The following TBC1D23 variants were observed in gnomAD, a reference collection of about 807,000 sequenced individuals.
TBC1D23 encodes TBC1 domain family member 23, also known as HCV non-structural protein 4A-transactivated protein 1.
In TBC1D23, 55 loss-of-function variants were observed where a neutral mutation model predicts 91.4. The ratio of observed to expected loss-of-function variants is 0.60; its 90% CI spans 0.48 to 0.75. The LOEUF is 0.75. TBC1D23 is among the 30% of genes least tolerant of loss of function. TBC1D23 has a pLI of 0.00. For missense variants in TBC1D23, 725 were observed against 836.1 expected, an observed-to-expected ratio of 0.87 and a Z score of 1.64; for synonymous variants, 289 against 281.0, an observed-to-expected ratio of 1.03 and a Z score of -0.28.
intron 13 of TBC1D23, among the ~76,000 whole-genome samples, chr3:100,308,666 A>G (rs1705562924): frequency 6.6e-6 from 1 of 152,202 alleles, no homozygotes; most frequent in Non-Finnish European, 1.5e-5. Context: ...TGATCATAGC[A>G]TACCTAGAAT....
chr3:100,312,669 T>TA (rs1427550095), intron 15 of TBC1D23, among the ~76,000 whole-genome samples: 2 of 152,070 alleles, frequency 1.3e-5, no homozygotes, highest in Non-Finnish European at 2.9e-5. Context: ...GAATATCAAT[T>TA]ACAGCAACAC....
At chr3:100,290,900 T>A (rs2067784238) in intron 5 of TBC1D23, among the ~76,000 whole-genome samples, 199 bp downstream of exon 5, 1 of 152,214 alleles carries the variant, frequency 6.6e-6, no homozygotes, top group Non-Finnish European at 1.5e-5. Flanking sequence ...TTATTTGATA[T>A]GAAGTTCACT....
intron 1 of TBC1D23, among the ~76,000 whole-genome samples, chr3:100,271,553 G>A (rs2067599692): frequency 6.6e-6 from 1 of 152,188 alleles, no homozygotes; most frequent in Non-Finnish European, 1.5e-5. Context: ...TAAGTCTCCT[G>A]TGGATACAGG....
At chr3:100,312,856 C>CT (rs970658975) in intron 15 of TBC1D23, among the ~76,000 whole-genome samples, 13 of 152,012 alleles carry the variant, frequency 8.6e-5, no homozygotes, top group African/African-American at 3.1e-4. Flanking sequence ...ACTTCACTCT[C>CT]TAAGACTATA....
Position 100,302,136 on chromosome 3 carries a change from G to A in TBC1D23, c.1162G>A (p.Glu388Lys). The change falls in exon 11 of 19, where the codon GAG becomes AAG. Residue 388 changes from glutamate to lysine, a missense_variant. Physicochemically the swap from Glu to Lys is moderately conservative, Grantham distance 56. Transcript: ENST00000394144. ...SLLEAQKQSI[E>K]SGSIAGGEHL... ...GCTGGAAGCACAGAAGCAGTCCATT[G>A]AGTCTGGCTCCATAGCTGGTGGGGA... The A allele has an allele frequency of 6.2e-7, 1 of 1,614,080 alleles. No individual in the cohort carries two copies. Among genetic ancestry groups the A allele is most frequent in the South Asian group, 1.1e-5 (1 of 91,080 alleles).
chr3:100,293,108 T>A (rs2148860259), intron 5 of TBC1D23, among the ~76,000 whole-genome samples: 1 of 148,512 alleles, frequency 6.7e-6, no homozygotes, highest in Non-Finnish European at 1.5e-5. Flanking sequence ...CCAGATAGTT[T>A]GTTTGTTTGT....
chr3:100,319,579 C>T (rs374739936), intron 17 of TBC1D23, among the ~76,000 whole-genome samples: 77 of 152,216 alleles, frequency 5.1e-4, no homozygotes, highest in African/African-American at 1.8e-3. Context: ...CAGGCATGCG[C>T]CACCACCCCC....
rs1229374855 is a variant in TBC1D23 at position 100,297,977 on chromosome 3, G to C, written c.931G>C (p.Asp311His). 3 of 1,612,880 alleles carry C rather than the reference G, an allele frequency of 1.9e-6. No individual in the cohort carries two copies. The highest frequency in any genetic ancestry group is 4.5e-5 in the East Asian group (2 of 44,848). ...TLLGIKDDDADLSQALCLAIS... is the reference protein window; with the variant it reads ...TLLGIKDDDAHLSQALCLAIS... Reference sequence around the variant, plus strand: ...GTTGGGAATTAAGGATGATGATGCAGATCTGAGTCAGGCTCTTTGTCTGGC... The same window carrying C: ...GTTGGGAATTAAGGATGATGATGCACATCTGAGTCAGGCTCTTTGTCTGGC... The change falls in exon 9 of 19, where the codon GAT becomes CAT. Residue 311 changes from aspartate (D) to histidine (H), a missense_variant. By Grantham distance (81) the Asp-to-His change is moderately conservative. Coordinates refer to ENST00000394144, the MANE Select transcript of TBC1D23 (RefSeq NM_001199198.3).
At chr3:100,315,179 T>TG in intron 15 of TBC1D23, among the ~76,000 whole-genome samples, 1 of 89,554 alleles carries the variant, frequency 1.1e-5, no homozygotes, top group Non-Finnish European at 2.2e-5. Context: ...TTTTTTTTTT[T>TG]GAAATGGAGT....
chr3:100,271,840 G>A (rs2067602217), intron 1 of TBC1D23, among the ~76,000 whole-genome samples: 1 of 152,188 alleles, frequency 6.6e-6, no homozygotes, highest in African/African-American at 2.4e-5. Flanking sequence ...AGACTGGTTA[G>A]ATTAACCTAA....
Position 100,283,811 on chromosome 3 carries a change from G to T in TBC1D23, c.476G>T (p.Arg159Met). The change falls in exon 4 of 19, where the codon AGG becomes ATG. Residue 159 changes from arginine (R) to methionine (M), a missense_variant and splice_region_variant. Physicochemically the swap from Arg to Met is moderately conservative, Grantham distance 91. Coordinates refer to ENST00000394144, the MANE Select transcript of TBC1D23 (RefSeq NM_001199198.3). The stretch of plus-strand genomic sequence containing the variant: ...GCCATAATGAATAAGTACATTCCCA[G>T]GTAAAATATGATTCAGTTATTGTAG... ...FYAIMNKYIP[R>M]DCSQKGRPFH... 1 of 1,590,578 alleles carries T rather than the reference G, an allele frequency of 6.3e-7. No homozygotes were observed. The highest frequency in any genetic ancestry group is 8.6e-7 in the Non-Finnish European group (1 of 1,159,674).
intron 4 of TBC1D23, chr3:100,284,102 A>T: frequency 3.4e-6 from 1 of 290,844 alleles, no homozygotes; most frequent in East Asian, 6.2e-5. Context: ...TGTGATGAAC[A>T]AGTCGAAAGA....
rs151171877 is a variant in TBC1D23 at position 100,297,951 on chromosome 3, T to C, written c.905T>C (p.Leu302Ser). ...KDNHHLFGSTLLGIKDDDADL... is the reference protein window; with the variant it reads ...KDNHHLFGSTSLGIKDDDADL... The stretch of plus-strand genomic sequence containing the variant: ...AATCACCATCTCTTTGGTAGTACTT[T>C]GTTGGGAATTAAGGATGATGATGCA... The change falls in exon 9 of 19, where the codon TTG becomes TCG. Residue 302 changes from leucine (L) to serine (S), a missense_variant. Coordinates refer to ENST00000394144, the MANE Select transcript of TBC1D23 (RefSeq NM_001199198.3). 6.2e-7 allele frequency: 1 copy of C among 1,612,302 alleles called. No individual in the cohort carries two copies. The highest frequency in any genetic ancestry group is 2.2e-5 in the East Asian group (1 of 44,828).
intron 1 of TBC1D23, among the ~76,000 whole-genome samples, chr3:100,276,823 A>G (rs1171081589): frequency 6.6e-6 from 1 of 152,226 alleles, no homozygotes; most frequent in South Asian, 2.1e-4. Context: ...AAAGTCACAG[A>G]GTCAGGAGGA....
chr3:100,300,575 C>T (rs1488874249), intron 10 of TBC1D23, among the ~76,000 whole-genome samples: 1 of 146,870 alleles, frequency 6.8e-6, no homozygotes, highest in South Asian at 2.1e-4. Context: ...GATCTTGGCT[C>T]ACTGCAACCT....
chr3:100,264,025 C>G (rs1361608984), intron 1 of TBC1D23, among the ~76,000 whole-genome samples: 2 of 152,118 alleles, frequency 1.3e-5, no homozygotes, highest in African/African-American at 4.8e-5. Flanking sequence ...AATCTTTCTC[C>G]TTTTTATCCT....
intron 15 of TBC1D23, among the ~76,000 whole-genome samples, chr3:100,314,313 G>T (rs1433731079): frequency 1.3e-5 from 2 of 151,966 alleles, no homozygotes; most frequent in Non-Finnish European, 2.9e-5. Context: ...AGCCAGGATA[G>T]TCTCGATCTC....
chr3:100,296,257 A>C lies in TBC1D23; in HGVS notation c.858A>C (p.Thr286=), dbSNP rs1175143124. 2 of 1,601,264 alleles carry C rather than the reference A, an allele frequency of 1.2e-6. No homozygotes were observed. The highest frequency in any genetic ancestry group is 1.7e-5 in the Admixed American group (1 of 58,354). ...TGGCTCAGTATTATTGCAGCAAAAC[A>C]CCGGCTTCTTTTAGGAAGGTATAAG... The part of the protein sequence containing the change: ...FSLAQYYCSK[T]PASFRKDNHH... The change falls in exon 8 of 19, where the codon ACA becomes ACC. Residue 286 remains threonine, a synonymous_variant. Transcript: ENST00000394144.
intron 10 of TBC1D23, among the ~76,000 whole-genome samples, chr3:100,300,738 G>A (rs1381660708): frequency 6.6e-6 from 1 of 152,032 alleles, no homozygotes; most frequent in Non-Finnish European, 1.5e-5. Flanking sequence ...AGCTTCAAGT[G>A]ATCTGCCCAC....
Sources: gnomAD v4.1 joint callset for allele counts (sites outside exome capture counted in the v4.1 genomes callset) on GRCh38, gnomAD v4.1.1 for gene constraint, MANE v1.5 for transcripts, NCBI Gene and HGNC (gene_info 2026-07-23, HGNC 2026-07-21) for gene names.